GABRB1: variants seen among roughly 807,000 people sequenced by gnomAD.
The protein encoded by GABRB1 is gamma-aminobutyric acid type A receptor subunit beta1, also known as gamma-aminobutyric acid receptor subunit beta-1.
A neutral mutation model predicts 51.6 loss-of-function variants in GABRB1; 17 were observed. The observed-to-expected ratio is 0.33, with a 90% CI of 0.23 to 0.49. The LOEUF is 0.49. GABRB1 is among the 20% of genes least tolerant of loss of function. The pLI, the probability that GABRB1 is intolerant of heterozygous loss-of-function variation, is 0.99. For synonymous variants in GABRB1, 247 were observed against 218.9 expected (o/e 1.13, Z -1.14); for missense variants, 410 against 600.6 (o/e 0.68, Z 3.32).
At chr4:47,285,231 C>A (rs969062762) in intron 4 of GABRB1, among the ~76,000 whole-genome samples, 1 of 152,172 alleles carries the variant, frequency 6.6e-6, no homozygotes, top group Non-Finnish European at 1.5e-5. Context: ...CCTTGATTTT[C>A]ACAAAGGACA....
intron 1 of GABRB1, among the ~76,000 whole-genome samples, chr4:47,007,254 C>T (rs1014927222): frequency 1.3e-5 from 2 of 152,154 alleles, no homozygotes; most frequent in African/African-American, 4.8e-5. Flanking sequence ...GCAAAGGATG[C>T]TTTATCTGTA....
chr4:47,086,043 C>A (rs1471441279), intron 3 of GABRB1, among the ~76,000 whole-genome samples: 1 of 152,226 alleles, frequency 6.6e-6, no homozygotes, highest in Non-Finnish European at 1.5e-5. Flanking sequence ...TTATAACAAG[C>A]TGCCATGTCA....
chr4:47,394,635 A>G (rs1728119062), intron 5 of GABRB1, among the ~76,000 whole-genome samples: 2 of 152,188 alleles, frequency 1.3e-5, no homozygotes, highest in Admixed American at 1.3e-4. Context: ...TTTAAAAACT[A>G]AATTGTACTT....
At chr4:47,038,401 T>C (rs1278627933) in intron 3 of GABRB1, among the ~76,000 whole-genome samples, 1 of 152,216 alleles carries the variant, frequency 6.6e-6, no homozygotes, top group East Asian at 1.9e-4. Flanking sequence ...TGGTTTATAT[T>C]GTATTGAACA....
At chr4:47,129,291 A>C (rs1716304715) in intron 3 of GABRB1, among the ~76,000 whole-genome samples, 1 of 152,194 alleles carries the variant, frequency 6.6e-6, no homozygotes, top group South Asian at 2.1e-4. Flanking sequence ...CAGAGGCATG[A>C]TAGAAAATCA....
intron 3 of GABRB1, among the ~76,000 whole-genome samples, chr4:47,113,213 C>T (rs1217905721): frequency 6.6e-6 from 1 of 151,900 alleles, no homozygotes; most frequent in South Asian, 2.1e-4. Flanking sequence ...TAGTGAAACC[C>T]CGTCTCTACT....
At chr4:47,263,340 A>T (rs903928631) in intron 4 of GABRB1, among the ~76,000 whole-genome samples, 9 of 152,104 alleles carry the variant, frequency 5.9e-5, no homozygotes, top group African/African-American at 9.7e-5. Context: ...TCTTAAAATA[A>T]CCCATCGGAT....
At chr4:47,036,948 G>A (rs1330097847) in intron 3 of GABRB1, among the ~76,000 whole-genome samples, 1 of 152,020 alleles carries the variant, frequency 6.6e-6, no homozygotes, top group Non-Finnish European at 1.5e-5. Context: ...CTTTAGGAAT[G>A]TTATTATTTA....
At chr4:47,298,774 T>C (rs1365920106) in intron 4 of GABRB1, among the ~76,000 whole-genome samples, 2 of 152,172 alleles carry the variant, frequency 1.3e-5, no homozygotes, top group East Asian at 1.9e-4. Flanking sequence ...AGAACCTGCA[T>C]TGCCAAGTCA....
chr4:47,075,545 C>G (rs893084062), intron 3 of GABRB1, among the ~76,000 whole-genome samples: 2 of 152,126 alleles, frequency 1.3e-5, no homozygotes, highest in Admixed American at 6.6e-5. Flanking sequence ...GCAACCAAGC[C>G]TCCAGCCAGT....
At chr4:47,203,463 T>C (rs1477092463) in intron 4 of GABRB1, among the ~76,000 whole-genome samples, 2 of 152,206 alleles carry the variant, frequency 1.3e-5, no homozygotes, top group Middle Eastern at 3.4e-3. Context: ...AATTCACTTC[T>C]TTGCTGAATA....
intron 1 of GABRB1, among the ~76,000 whole-genome samples, chr4:47,019,619 T>TTCTC (rs1175048632): frequency 0.03 from 3,249 of 107,884 alleles, 84 homozygotes; most frequent in South Asian, 0.056. Context: ...CTTTCTTTCT[T>TTCTC]TCTCTCTCTT....
At chr4:47,047,410 A>G (rs967937272) in intron 3 of GABRB1, among the ~76,000 whole-genome samples, 1 of 152,112 alleles carries the variant, frequency 6.6e-6, no homozygotes, top group African/African-American at 2.4e-5. Flanking sequence ...TATTATCCCT[A>G]TTTTACAGAT....
chr4:47,023,146 A>G (rs1724975835), intron 1 of GABRB1, among the ~76,000 whole-genome samples: 1 of 152,040 alleles, frequency 6.6e-6, no homozygotes, highest in Non-Finnish European at 1.5e-5. Flanking sequence ...TCATGGACAT[A>G]GAGAGTAGAA....
intron 4 of GABRB1, among the ~76,000 whole-genome samples, chr4:47,190,676 A>G (rs1719403930): frequency 6.6e-6 from 1 of 152,164 alleles, no homozygotes; most frequent in Non-Finnish European, 1.5e-5. Context: ...AAGAAGGAGG[A>G]CCAGGCTTTA....
chr4:47,116,261 G>A (rs1246757556), intron 3 of GABRB1, among the ~76,000 whole-genome samples: 1 of 152,054 alleles, frequency 6.6e-6, no homozygotes, highest in Non-Finnish European at 1.5e-5. Context: ...TGTTCTGCTA[G>A]TGAAGTATTT....
intron 5 of GABRB1, among the ~76,000 whole-genome samples, chr4:47,363,904 A>G (rs17653449): frequency 0.047 from 7,193 of 152,264 alleles, 267 homozygotes; most frequent in South Asian, 0.15. Context: ...TCAGGAAGAT[A>G]TTAAGGTTAA....
rs1017000796 is a variant in GABRB1, at chr4:47,371,129, A to T, written c.545-32189A>T. The stretch of plus-strand genomic sequence containing the variant: ...CAGGCTCCAGTGTGTATTGTTCCCC[A>T]CCATATGTCCATGTGTTCTCATCGT... On this transcript the variant is annotated intron_variant, in intron 5 of 8. Coordinates refer to ENST00000295454, the MANE Select transcript of GABRB1 (RefSeq NM_000812.4). 2.7e-5 allele frequency among the ~76,000 whole-genome samples: 3 copies of T among 111,556 alleles called. No individual in the cohort carries two copies. In the East Asian group the frequency reaches 8.0e-4, roughly 30 times the overall value. The allele number at this position is 111,556 out of a possible 152,430, so 73.2% of individuals were successfully genotyped here. A position where few individuals can be genotyped will look rare whatever the true frequency, so the allele number is the denominator to read the frequency against.
At chr4:47,185,040 C>A (rs1719115968) in intron 4 of GABRB1, among the ~76,000 whole-genome samples, 1 of 151,778 alleles carries the variant, frequency 6.6e-6, no homozygotes, top group African/African-American at 2.4e-5. Flanking sequence ...GGATTTCACT[C>A]CTCTAAAATA....
Sources: gnomAD v4.1 joint callset for allele counts (sites outside exome capture counted in the v4.1 genomes callset) on GRCh38, gnomAD v4.1.1 for gene constraint, MANE v1.5 for transcripts, NCBI Gene and HGNC (gene_info 2026-07-23, HGNC 2026-07-21) for gene names.